WDR19: variants seen among roughly 807,000 people sequenced by gnomAD.
WDR19 encodes WD repeat domain 19, also known as WD repeat-containing protein 19.
WDR19 carries 121 observed loss-of-function variants against 180.0 expected under a neutral mutation model. That is an observed-to-expected ratio of 0.67 (90% CI 0.58 to 0.78). The LOEUF (loss-of-function observed/expected upper bound fraction) is 0.78. WDR19 is among the 30% of genes least tolerant of loss of function. WDR19 has a pLI of 0.00. For missense variants in WDR19, 1,450 were observed against 1,640.7 expected, an observed-to-expected ratio of 0.88 and a Z score of 2.01; for synonymous variants, 497 against 540.7, an observed-to-expected ratio of 0.92 and a Z score of 1.12.
In WDR19 at chr4:39,244,247, G is replaced by A. The variant is rs755765450; in HGVS notation, c.2422-1G>A. On this transcript the variant is annotated splice_acceptor_variant, in intron 21 of 36. Coordinates refer to ENST00000399820, the MANE Select transcript of WDR19 (RefSeq NM_025132.4). LOFTEE classifies it high-confidence loss of function. ...TGTTAGTGTTTGCCTTGTGATTGCA[G>A]GAACATGATGAAGCTTGTCTGGCTG... 3.7e-6 allele frequency: 6 copies of A among 1,609,422 alleles called. No homozygotes were observed. Among genetic ancestry groups the A allele is most frequent in the Non-Finnish European group, 5.1e-6 (6 of 1,176,410 alleles).
At chr4:39,223,294 A>G (rs1298581555) in intron 14 of WDR19, among the ~76,000 whole-genome samples, 1 of 152,156 alleles carries the variant, frequency 6.6e-6, no homozygotes, top group Non-Finnish European at 1.5e-5. Context: ...TATTAAAAAT[A>G]AGAATAAAAG....
chr4:39,272,151 A>G (rs1167267040), intron 31 of WDR19, among the ~76,000 whole-genome samples: 3 of 152,172 alleles, frequency 2.0e-5, no homozygotes, highest in Non-Finnish European at 4.4e-5. Context: ...ATGAGTGGTG[A>G]TTCAATGTCC....
chr4:39,202,729 C>T (rs1351199313), intron 6 of WDR19, among the ~76,000 whole-genome samples: 2 of 151,506 alleles, frequency 1.3e-5, no homozygotes, highest in East Asian at 3.9e-4. Context: ...ATTCTTTTCT[C>T]ATATTTATGA....
At chr4:39,216,733 T>C (rs1430590241) in intron 12 of WDR19, among the ~76,000 whole-genome samples, 1 of 152,210 alleles carries the variant, frequency 6.6e-6, no homozygotes, top group Non-Finnish European at 1.5e-5. Context: ...TTTTGTTTTT[T>C]CTTCCCCTGC....
At chr4:39,254,177 A>G (rs777030080) in intron 26 of WDR19, 147 bp downstream of exon 26, 51 of 680,456 alleles carry the variant, frequency 7.5e-5, no homozygotes, top group South Asian at 7.4e-4. Context: ...ACATGTATCT[A>G]TGTTATGTGT....
intron 21 of WDR19, among the ~76,000 whole-genome samples, chr4:39,241,474 A>G (rs1731935800): frequency 7.1e-6 from 1 of 140,588 alleles, no homozygotes; most frequent in African/African-American, 2.7e-5. Flanking sequence ...AGCCTGGGCA[A>G]CAGAGTGAGA....
intron 1 of WDR19, 49 bp from the exon 2 acceptor site, chr4:39,185,677 C>T (rs1725434679): frequency 2.7e-6 from 4 of 1,507,018 alleles, no homozygotes; most frequent in East Asian, 4.9e-5. Context: ...TTCTGATCAA[C>T]ACTTGATTGT....
At chr4:39,195,833 A>C (rs142062888) in intron 5 of WDR19, among the ~76,000 whole-genome samples, 328 of 152,318 alleles carry the variant, frequency 2.2e-3, no homozygotes, top group African/African-American at 7.2e-3. Context: ...TATCTCTTTA[A>C]TGTTAACATT....
intron 9 of WDR19, among the ~76,000 whole-genome samples, chr4:39,206,670 G>A (rs909949625): frequency 2.0e-4 from 30 of 152,126 alleles, no homozygotes; most frequent in African/African-American, 4.6e-4. Flanking sequence ...ATCCTTAAGC[G>A]CATATGTATA....
At chr4:39,214,451 A>T (rs1007188691) in intron 9 of WDR19, 150 bp from the exon 10 acceptor site, 1 of 511,012 alleles carries the variant, frequency 2.0e-6, no homozygotes. Context: ...AAGTACAGAA[A>T]TTCTAATATT....
intron 26 of WDR19, among the ~76,000 whole-genome samples, chr4:39,255,417 T>C (rs1733651724): frequency 1.3e-5 from 2 of 152,150 alleles, no homozygotes; most frequent in Non-Finnish European, 1.5e-5. Flanking sequence ...GGAATTCCAG[T>C]AGCTTTTGGG....
intron 36 of WDR19, among the ~76,000 whole-genome samples, chr4:39,283,206 G>A (rs980319145): frequency 6.6e-6 from 1 of 152,040 alleles, no homozygotes; most frequent in Non-Finnish European, 1.5e-5. Context: ...AGATGATATG[G>A]TTTTTTCTCT....
Position 39,228,535 on chromosome 4 carries a change from A to C in WDR19, c.1827A>C (p.Lys609Asn). ...AGSTKVPFAH[K>N]PLLLYNGELT... ...GCACCAAAGTTCCTTTTGCTCATAA[A>C]CCTTTGCTGCTATATAATGGAGAGC... Residue 609 changes from lysine (K) to asparagine (N), a missense_variant, in exon 17 of 37, where the codon AAA becomes AAC. By Grantham distance (94) the Lys-to-Asn change is moderately conservative. Transcript: ENST00000399820. 6.2e-7 allele frequency: 1 copy of C among 1,613,944 alleles called. No homozygotes were observed. Among genetic ancestry groups the C allele is most frequent in the Non-Finnish European group, 8.5e-7 (1 of 1,179,836 alleles).
intron 21 of WDR19, among the ~76,000 whole-genome samples, chr4:39,241,011 A>T (rs988855487): frequency 2.6e-5 from 4 of 151,722 alleles, no homozygotes; most frequent in African/African-American, 9.7e-5. Flanking sequence ...TCCAATCCGT[A>T]AAACTTCATT....
Position 39,228,703 on chromosome 4 carries a change from A to G in WDR19, c.1982+13A>G. 1.3e-6 allele frequency: 2 copies of G among 1,524,482 alleles called. No individual in the cohort carries two copies. The highest frequency in any genetic ancestry group is 2.3e-5 in the East Asian group (1 of 43,804). The allele number at this position is 1,524,482 out of a possible 1,614,324, so 94.4% of individuals were successfully genotyped here. A position where few individuals can be genotyped will look rare whatever the true frequency, so the allele number is the denominator to read the frequency against. ...TAATGCTAAAGAGGTAGGCTTTCAC[A>G]CACTTCTTTTGGAACTTCTCATTTG... is the stretch of plus-strand genomic sequence containing the variant. On this transcript the variant is annotated intron_variant, in intron 17 of 36. Transcript: ENST00000399820.
intron 15 of WDR19, 110 bp downstream of exon 15, chr4:39,225,143 G>T: frequency 1.2e-6 from 1 of 807,556 alleles, no homozygotes; most frequent in Non-Finnish European, 1.8e-6. Context: ...GCCAAGGATT[G>T]TAGTTCTTTG....
intron 5 of WDR19, among the ~76,000 whole-genome samples, chr4:39,195,997 C>G (rs115350671): frequency 6.6e-6 from 1 of 152,094 alleles, no homozygotes; most frequent in Admixed American, 6.6e-5. Context: ...GCACTGGAAG[C>G]AAAAGGGCTT....
At chr4:39,212,291 A>T (rs1019546191) in intron 9 of WDR19, among the ~76,000 whole-genome samples, 2 of 152,202 alleles carry the variant, frequency 1.3e-5, no homozygotes, top group African/African-American at 4.8e-5. Flanking sequence ...TGAAAAAAAA[A>T]TTTTCGACAC....
chr4:39,270,511 G>C (rs1380616576), intron 31 of WDR19, among the ~76,000 whole-genome samples: 6 of 152,146 alleles, frequency 3.9e-5, no homozygotes, highest in Admixed American at 2.6e-4. Flanking sequence ...AAGTAGCTGG[G>C]ATTACAGGCA....
Sources: gnomAD v4.1 joint callset for allele counts (sites outside exome capture counted in the v4.1 genomes callset) on GRCh38, gnomAD v4.1.1 for gene constraint, MANE v1.5 for transcripts, NCBI Gene and HGNC (gene_info 2026-07-23, HGNC 2026-07-21) for gene names.